The following CAMTA1 variants were observed in gnomAD, a reference collection of about 807,000 sequenced individuals.
The protein encoded by CAMTA1 is calmodulin-binding transcription activator 1.
CAMTA1 carries 27 observed loss-of-function variants against 170.9 expected under a neutral mutation model. That is an observed-to-expected ratio of 0.16 (90% CI 0.12 to 0.22). CAMTA1 has a LOEUF of 0.22. CAMTA1 is among the 10% of genes least tolerant of loss of function. CAMTA1 has a pLI of 1.00. For missense variants in CAMTA1, 1,619 were observed against 2,217.2 expected, an observed-to-expected ratio of 0.73 and a Z score of 5.42; for synonymous variants, 833 against 891.5, an observed-to-expected ratio of 0.93 and a Z score of 1.17.
intron 3 of CAMTA1, among the ~76,000 whole-genome samples, chr1:6,987,526 A>G (rs1364820455): frequency 1.3e-5 from 2 of 152,162 alleles, no homozygotes; most frequent in African/African-American, 4.8e-5. Flanking sequence ...GAGCTCCCAA[A>G]TGATTCTAGT....
intron 3 of CAMTA1, among the ~76,000 whole-genome samples, chr1:6,915,711 C>G (rs1680633310): frequency 6.6e-6 from 1 of 152,210 alleles, no homozygotes; most frequent in Non-Finnish European, 1.5e-5. Flanking sequence ...GTTTCCAGCC[C>G]TGTCAGCCAT....
intron 5 of CAMTA1, among the ~76,000 whole-genome samples, chr1:7,291,173 C>T (rs1673082348): frequency 6.6e-6 from 1 of 152,168 alleles, no homozygotes; most frequent in Non-Finnish European, 1.5e-5. Context: ...ACCTTCACTC[C>T]ATGACAGACA....
At chr1:7,657,374 G>T (rs1225693747) in intron 7 of CAMTA1, among the ~76,000 whole-genome samples, 1 of 152,192 alleles carries the variant, frequency 6.6e-6, no homozygotes, top group Admixed American at 6.5e-5. Flanking sequence ...GGGGAGTCAG[G>T]TACCGCCCGG....
intron 5 of CAMTA1, among the ~76,000 whole-genome samples, chr1:7,334,984 G>C (rs1291621604): frequency 6.6e-6 from 1 of 152,132 alleles, no homozygotes; most frequent in Non-Finnish European, 1.5e-5. Flanking sequence ...TTAAACTGAT[G>C]AATCTGCTTG....
intron 4 of CAMTA1, among the ~76,000 whole-genome samples, chr1:7,242,628 T>TG (rs1037615363): frequency 3.3e-5 from 5 of 152,106 alleles, no homozygotes; most frequent in Admixed American, 3.3e-4. Context: ...ATTTCACTTA[T>TG]GAAAAACTTG....
At chr1:7,544,854 T>C (rs1225866631) in intron 6 of CAMTA1, among the ~76,000 whole-genome samples, 2 of 152,132 alleles carry the variant, frequency 1.3e-5, no homozygotes, top group East Asian at 1.9e-4. Context: ...CCAGACTCTT[T>C]AACAACTCGC....
chr1:7,425,979 C>T (rs1186007827), intron 5 of CAMTA1, among the ~76,000 whole-genome samples: 2 of 152,174 alleles, frequency 1.3e-5, no homozygotes, highest in Non-Finnish European at 2.9e-5. Context: ...AGGCATGGGG[C>T]CAGGTGCTGA....
At chr1:6,889,158 A>T (rs188284375) in intron 3 of CAMTA1, among the ~76,000 whole-genome samples, 2 of 152,380 alleles carry the variant, frequency 1.3e-5, no homozygotes, top group Non-Finnish European at 2.9e-5. Context: ...GCAAAGGCTA[A>T]ATTTTTTACA....
intron 11 of CAMTA1, among the ~76,000 whole-genome samples, chr1:7,720,349 C>CA (rs2096641490): frequency 6.6e-6 from 1 of 152,102 alleles, no homozygotes; most frequent in African/African-American, 2.4e-5. Context: ...GGGAACATCT[C>CA]AAAGTTAGGG....
chr1:6,962,173 C>G (rs1293551177), intron 3 of CAMTA1, among the ~76,000 whole-genome samples: 2 of 152,254 alleles, frequency 1.3e-5, no homozygotes, highest in African/African-American at 2.4e-5. Context: ...CTCCGAGTGC[C>G]AGATACATGG....
At chr1:7,158,455 C>A (rs74861243) in intron 4 of CAMTA1, among the ~76,000 whole-genome samples, 454 of 152,244 alleles carry the variant, frequency 3.0e-3, no homozygotes, top group African/African-American at 9.9e-3. Flanking sequence ...GCGCATTTGT[C>A]AGATGTGTCC....
At chr1:7,221,906 T>TAC (rs34399218) in intron 4 of CAMTA1, among the ~76,000 whole-genome samples, 17,768 of 147,562 alleles carry the variant, frequency 0.12, 1,144 homozygotes, top group Middle Eastern at 0.17. Context: ...AGCTGGTGCA[T>TAC]ACACACACAC....
At chr1:7,457,764 G>C (rs1407846548) in intron 5 of CAMTA1, among the ~76,000 whole-genome samples, 1 of 152,126 alleles carries the variant, frequency 6.6e-6, no homozygotes, top group Non-Finnish European at 1.5e-5. Context: ...CATCCAGACC[G>C]AGGGGCCCTC....
chr1:6,791,563 C>T (rs994448737), intron 1 of CAMTA1, among the ~76,000 whole-genome samples: 4 of 152,152 alleles, frequency 2.6e-5, no homozygotes, highest in African/African-American at 7.2e-5. Flanking sequence ...TATATTATTT[C>T]ATTTGGAGCC....
intron 3 of CAMTA1, chr1:6,888,102 A>G: frequency 1.0e-6 from 1 of 993,178 alleles, no homozygotes; most frequent in Non-Finnish European, 1.2e-6. Flanking sequence ...TCAGAATGGA[A>G]GCTCCATGAG....
At chr1:6,824,069 A>G (rs1437804704) in intron 2 of CAMTA1, among the ~76,000 whole-genome samples, 2 of 152,206 alleles carry the variant, frequency 1.3e-5, no homozygotes, top group African/African-American at 4.8e-5. Context: ...ATAAAACCTT[A>G]TTATATCATG....
chr1:7,604,405 C>G (rs187115936), intron 6 of CAMTA1, among the ~76,000 whole-genome samples: 17 of 152,266 alleles, frequency 1.1e-4, no homozygotes, highest in African/African-American at 4.1e-4. Context: ...CTCTAAACTT[C>G]TTTTCTCGCT....
At chr1:6,924,548 T>C (rs1193665644) in intron 3 of CAMTA1, among the ~76,000 whole-genome samples, 1 of 152,178 alleles carries the variant, frequency 6.6e-6, no homozygotes, top group Non-Finnish European at 1.5e-5. Flanking sequence ...CCACTGAGTG[T>C]CGACTCTGCC....
intron 5 of CAMTA1, among the ~76,000 whole-genome samples, chr1:7,444,020 G>A (rs903531215): frequency 3.3e-5 from 5 of 152,186 alleles, no homozygotes; most frequent in East Asian, 1.9e-4. Flanking sequence ...AGGAGTTTGC[G>A]GAGGGTGGGA....
Sources: allele counts gnomAD v4.1 joint callset (sites outside exome capture counted in the v4.1 genomes callset), GRCh38; gene constraint gnomAD v4.1.1; transcripts MANE v1.5; gene names NCBI Gene and HGNC (gene_info 2026-07-23, HGNC 2026-07-21).